DNAH7: variants seen among roughly 807,000 people sequenced by gnomAD.
The protein encoded by DNAH7 is axonemal beta dynein heavy chain 7.
A neutral mutation model predicts 444.6 loss-of-function variants in DNAH7; 397 were observed. The ratio of observed to expected loss-of-function variants is 0.89; its 90% CI spans 0.82 to 0.97. The LOEUF (loss-of-function observed/expected upper bound fraction) is 0.97. Among genes scored for constraint, DNAH7 ranks in the 50% least tolerant of loss-of-function variants. The pLI, the probability that DNAH7 is intolerant of heterozygous loss-of-function variation, is 0.00. For synonymous variants in DNAH7, 1,636 were observed against 1,624.4 expected, an observed-to-expected ratio of 1.01 and a Z score of -0.17; for missense variants, 4,902 against 4,800.8, an observed-to-expected ratio of 1.02 and a Z score of -0.62.
intron 10 of DNAH7, 113 bp downstream of exon 10, chr2:196,012,674 G>T: frequency 3.8e-6 from 4 of 1,059,534 alleles, no homozygotes; most frequent in Non-Finnish European, 4.0e-6. Context: ...TTTAAATCAT[G>T]TAGAAATGAT....
chr2:195,916,091 T>C (rs1335719303), intron 24 of DNAH7, among the ~76,000 whole-genome samples: 1 of 152,178 alleles, frequency 6.6e-6, no homozygotes, highest in Non-Finnish European at 1.5e-5. Context: ...TTTCAACAAA[T>C]GGTGGTGAAA....
rs982176952 is a variant in DNAH7 at position 195,988,118 on chromosome 2, C to G, written c.1465G>C (p.Glu489Gln). ...TACTTGTCATAGAGTCTGAGGTGCT[C>G]AGTAGGTGCCACACTCTCTTTCATA... is the stretch of plus-strand genomic sequence containing the variant. ...VIMKESVAPT[E>Q]HLRLYDKYDF... is the part of the protein sequence containing the mutation. The change falls in exon 13 of 65, where the codon GAG (glutamate) becomes CAG (glutamine). Residue 489 changes from glutamate to glutamine, a missense_variant. By Grantham distance (29) the Glu-to-Gln change is conservative. Transcript: ENST00000312428. The G allele has an allele frequency of 6.2e-7, 1 of 1,613,610 alleles. No individual in the cohort carries two copies. The highest frequency in any genetic ancestry group is 8.5e-7 in the Non-Finnish European group (1 of 1,179,766).
Position 195,888,280 on chromosome 2 carries a change from T to C in DNAH7, c.5384A>G (p.Glu1795Gly). 1.2e-6 allele frequency: 2 copies of C among 1,609,924 alleles called. No homozygotes were observed. The highest frequency in any genetic ancestry group is 1.7e-6 in the Non-Finnish European group (2 of 1,178,668). ...LFDRMVPVSV[E>G]FIRKHTKELS... ...TACCTTTGTATGCTTTCTAATAAAT[T>C]CAACCGAAACAGGGACCATTCTGTC... Residue 1795 changes from glutamate to glycine, a missense_variant, in exon 33 of 65, where the codon GAA becomes GGA. By Grantham distance (98) the Glu-to-Gly change is moderately conservative. Transcript: ENST00000312428.
In DNAH7 at chr2:195,876,530, C is replaced by G; in HGVS notation, c.6117+14G>C. The G allele has an allele frequency of 6.2e-7, 1 of 1,612,912 alleles. No individual in the cohort carries two copies. The stretch of plus-strand genomic sequence containing the variant: ...TATATGAATAGGCCCGGGTACTGTA[C>G]AAAGAGTCATTACCATTCTCTTGCC... On this transcript the variant is annotated intron_variant, in intron 37 of 64. Coordinates refer to ENST00000312428, the MANE Select transcript of DNAH7 (RefSeq NM_018897.3).
intron 35 of DNAH7, among the ~76,000 whole-genome samples, chr2:195,883,306 G>C (rs1701515487): frequency 6.6e-6 from 1 of 152,076 alleles, no homozygotes; most frequent in African/African-American, 2.4e-5. Context: ...AATTAGCTGG[G>C]CATGGTGGCG....
At chr2:196,020,600 T>A (rs1279411818) in intron 8 of DNAH7, among the ~76,000 whole-genome samples, 1 of 148,324 alleles carries the variant, frequency 6.7e-6, no homozygotes, top group Non-Finnish European at 1.5e-5. Flanking sequence ...TGGGGAATAA[T>A]TTGGGGCTTT....
intron 38 of DNAH7, among the ~76,000 whole-genome samples, chr2:195,874,434 G>T (rs1266390938): frequency 1.3e-5 from 2 of 152,042 alleles, no homozygotes; most frequent in African/African-American, 2.4e-5. Flanking sequence ...ACAGAAATGG[G>T]GTCCGAAAGG....
chr2:195,906,131 T>C (rs906078811), intron 27 of DNAH7, among the ~76,000 whole-genome samples: 2 of 152,074 alleles, frequency 1.3e-5, no homozygotes, highest in African/African-American at 4.8e-5. Flanking sequence ...TTTCCAGCAT[T>C]GTAAAAAGGC....
At chr2:195,955,021 T>C (rs1394867420) in intron 19 of DNAH7, among the ~76,000 whole-genome samples, 1 of 152,224 alleles carries the variant, frequency 6.6e-6, no homozygotes, top group African/African-American at 2.4e-5. Context: ...AGAAGCTCTT[T>C]AGTTTAATTA....
intron 64 of DNAH7, 108 bp from the exon 65 acceptor site, chr2:195,738,235 T>C: frequency 2.9e-5 from 27 of 939,592 alleles, no homozygotes; most frequent in Non-Finnish European, 4.2e-5. Context: ...TGCAGATTTC[T>C]GTGGCCCAAA....
In DNAH7 at chr2:195,957,269, C is replaced by A; in HGVS notation, c.3070G>T (p.Val1024Phe). The change falls in exon 19 of 65, where the codon GTC becomes TTC. Residue 1024 changes from valine to phenylalanine, a missense_variant. By Grantham distance (50) the Val-to-Phe change is conservative. Transcript: ENST00000312428. Reference protein sequence around the residue: ...DKTWRDIMRSVMQDKHVLTVV... With the variant: ...DKTWRDIMRSFMQDKHVLTVV... ...GAGATTTTTTCACCTACCTGCATGA[C>A]ACTTCTCATTATATCTCTCCATGTC... 2 of 1,528,446 alleles carry A rather than the reference C, an allele frequency of 1.3e-6. No individual in the cohort carries two copies. Among genetic ancestry groups the A allele is most frequent in the Non-Finnish European group, 1.8e-6 (2 of 1,126,894 alleles). The allele number at this position is 1,528,446 out of a possible 1,614,324, so 94.7% of individuals were successfully genotyped here.
chr2:196,060,966 T>A lies in DNAH7; in HGVS notation c.16-2850A>T, dbSNP rs1575124830. On this transcript the variant is annotated intron_variant, in intron 1 of 64. Transcript: ENST00000312428. ...ATTCTCATTTTTTAAAGTTCATTTTTAAATTTACAAATAAAAATTGTATAC... is the reference window on the plus strand; with the variant it reads ...ATTCTCATTTTTTAAAGTTCATTTTAAAATTTACAAATAAAAATTGTATAC... Among the ~76,000 whole-genome samples the A allele has an allele frequency of 2.0e-5, 3 of 152,312 alleles. No individual in the cohort carries two copies. The South Asian group carries it at 6.2e-4, about 32-fold the overall frequency.
intron 10 of DNAH7, among the ~76,000 whole-genome samples, chr2:196,005,394 G>T (rs903171589): frequency 1.3e-5 from 2 of 151,628 alleles, no homozygotes; most frequent in African/African-American, 4.8e-5. Context: ...ATATTGAATA[G>T]AAAAATAAAG....
intron 49 of DNAH7, among the ~76,000 whole-genome samples, chr2:195,823,325 G>C (rs940988312): frequency 6.6e-6 from 1 of 152,114 alleles, no homozygotes; most frequent in African/African-American, 2.4e-5. Flanking sequence ...TGAGCTCCCA[G>C]GACACATTGC....
intron 54 of DNAH7, among the ~76,000 whole-genome samples, chr2:195,802,285 T>C (rs1177735969): frequency 3.3e-5 from 5 of 152,102 alleles, no homozygotes; most frequent in African/African-American, 9.7e-5. Context: ...CTGAGGTGGG[T>C]GGATCACCTG....
intron 41 of DNAH7, among the ~76,000 whole-genome samples, chr2:195,863,444 G>A (rs1180079369): frequency 6.6e-6 from 1 of 152,104 alleles, no homozygotes; most frequent in Non-Finnish European, 1.5e-5. Context: ...CTCTTCCTTT[G>A]CTACTCCCCT....
chr2:195,966,732 AGTC>A (rs1691502234), intron 17 of DNAH7, among the ~76,000 whole-genome samples: 1 of 152,112 alleles, frequency 6.6e-6, no homozygotes, highest in African/African-American at 2.4e-5. Flanking sequence ...TTTGTCTTGA[AGTC>A]TATTTTGCCT....
At chr2:195,922,892 C>T (rs1262183370) in intron 23 of DNAH7, among the ~76,000 whole-genome samples, 1 of 151,684 alleles carries the variant, frequency 6.6e-6, no homozygotes. Context: ...GACAGGGTCT[C>T]ACTCTGTCAC....
At chr2:196,037,329 C>T (rs887730629) in intron 5 of DNAH7, among the ~76,000 whole-genome samples, 7 of 152,008 alleles carry the variant, frequency 4.6e-5, no homozygotes, top group African/African-American at 1.7e-4. Context: ...ATAAGGACAA[C>T]AGAAACATGA....
Sources: allele counts gnomAD v4.1 joint callset (sites outside exome capture counted in the v4.1 genomes callset), GRCh38; gene constraint gnomAD v4.1.1; transcripts MANE v1.5; gene names NCBI Gene and HGNC (gene_info 2026-07-23, HGNC 2026-07-21).